The following IFT81 variants were observed in gnomAD, a reference collection of about 807,000 sequenced individuals.
The protein encoded by IFT81 is intraflagellar transport protein 81 homolog.
In IFT81, 72 loss-of-function variants were observed where a neutral mutation model predicts 102.6. The ratio of observed to expected loss-of-function variants is 0.70; its 90% CI spans 0.58 to 0.85. The LOEUF (loss-of-function observed/expected upper bound fraction) is 0.85, where lower values mean the gene tolerates loss of function less well. Among genes scored for constraint, IFT81 ranks in the 40% least tolerant of loss-of-function variants. IFT81 has a pLI of 0.00. For missense variants in IFT81, 723 were observed against 787.3 expected (o/e 0.92, Z 0.98); for synonymous variants, 237 against 242.7 (o/e 0.98, Z 0.22).
chr12:110,194,006 G>A (rs931712036), intron 14 of IFT81, among the ~76,000 whole-genome samples: 2 of 152,172 alleles, frequency 1.3e-5, no homozygotes, highest in Admixed American at 1.3e-4. Flanking sequence ...AGAAGGCAAA[G>A]AGAGAGCAGG....
chr12:110,174,633 A>G lies in IFT81; in HGVS notation c.1189-5789A>G, dbSNP rs866951821. Among the ~76,000 whole-genome samples, 108 of 152,278 alleles carry G rather than the reference A, an allele frequency of 7.1e-4. 2 individuals are homozygous for G. The highest frequency in any genetic ancestry group is 9.2e-4 in the Admixed American group (14 of 15,290). Reference sequence around the variant, plus strand: ...ATTCTTGTTTCACATAAATATCTAGAATGATGCCTGGAATCCAATAATTCT... The same window carrying G: ...ATTCTTGTTTCACATAAATATCTAGGATGATGCCTGGAATCCAATAATTCT... On this transcript the variant is annotated intron_variant, in intron 11 of 18. Coordinates refer to ENST00000242591, the MANE Select transcript of IFT81 (RefSeq NM_014055.4).
intron 11 of IFT81, among the ~76,000 whole-genome samples, chr12:110,171,316 C>A (rs1163586637): frequency 6.6e-6 from 1 of 151,382 alleles, no homozygotes; most frequent in African/African-American, 2.4e-5. Flanking sequence ...TGGAAGCACC[C>A]GTTAGAGATA....
intron 15 of IFT81, 54 bp downstream of exon 15, chr12:110,204,004 C>A: frequency 9.0e-7 from 1 of 1,105,840 alleles, no homozygotes. Flanking sequence ...TGTGTGTACA[C>A]CTGTAGTCCC....
At chr12:110,170,552 GCAAACA>G (rs1896682657) in intron 11 of IFT81, among the ~76,000 whole-genome samples, 1 of 152,158 alleles carries the variant, frequency 6.6e-6, no homozygotes, top group East Asian at 1.9e-4. Context: ...ATTTGAAAGA[GCAAACA>G]AAAAATCAGT....
intron 9 of IFT81, among the ~76,000 whole-genome samples, chr12:110,146,024 C>T (rs987518618): frequency 1.3e-5 from 2 of 151,722 alleles, no homozygotes; most frequent in Non-Finnish European, 2.9e-5. Context: ...GTTGGCCAGG[C>T]TGGTCTCGAC....
At chr12:110,152,138 A>G (rs893194258) in intron 10 of IFT81, among the ~76,000 whole-genome samples, 15 of 152,220 alleles carry the variant, frequency 9.9e-5, no homozygotes, top group African/African-American at 3.1e-4. Flanking sequence ...TCTCTTAAAT[A>G]TACTGATTTT....
chr12:110,174,129 T>A (rs2137489218), intron 11 of IFT81, among the ~76,000 whole-genome samples: 1 of 151,354 alleles, frequency 6.6e-6, no homozygotes, highest in South Asian at 2.1e-4. Context: ...TACAAAAAAA[T>A]TAGCCAGGCA....
intron 18 of IFT81, among the ~76,000 whole-genome samples, chr12:110,215,303 C>T (rs1224577406): frequency 6.6e-6 from 1 of 151,826 alleles, no homozygotes; most frequent in Non-Finnish European, 1.5e-5. Context: ...TTCTCACACT[C>T]GGTGTCGGTA....
At chr12:110,213,554 G>A (rs1869732987) in intron 18 of IFT81, among the ~76,000 whole-genome samples, 2 of 152,162 alleles carry the variant, frequency 1.3e-5, no homozygotes, top group African/African-American at 2.4e-5. Flanking sequence ...TTCATTAGAA[G>A]TTGCACAGTG....
At chr12:110,215,639 AT>A (rs1222478006) in intron 18 of IFT81, among the ~76,000 whole-genome samples, 3 of 145,734 alleles carry the variant, frequency 2.1e-5, no homozygotes, top group Admixed American at 6.9e-5. Flanking sequence ...TTAAAAAAAA[AT>A]TTTTTTTTTG....
rs183657590 is a variant in IFT81 at position 110,217,877 on chromosome 12, G to A, written c.1849-167G>A. Among the ~76,000 whole-genome samples, 339 of 152,128 alleles carry A rather than the reference G, an allele frequency of 2.2e-3. 3 individuals are homozygous for A. Among genetic ancestry groups the A allele is most frequent in the African/African-American group, 7.8e-3 (325 of 41,462 alleles). On this transcript the variant is annotated intron_variant, in intron 18 of 18. Transcript: ENST00000242591. The stretch of plus-strand genomic sequence containing the variant: ...TTACAGACATGAGCCACCTCGTCTG[G>A]CCTTAGTTAACTTTTATAATCTTAG...
At chr12:110,193,552 T>A (rs1390211850) in intron 14 of IFT81, among the ~76,000 whole-genome samples, 2 of 152,226 alleles carry the variant, frequency 1.3e-5, no homozygotes, top group Non-Finnish European at 2.9e-5. Context: ...CCTCTACAAA[T>A]CCAGATCAGA....
chr12:110,194,319 T>C (rs1174672656), intron 14 of IFT81, among the ~76,000 whole-genome samples: 1 of 152,222 alleles, frequency 6.6e-6, no homozygotes, highest in Non-Finnish European at 1.5e-5. Context: ...TAGAATAGCA[T>C]TTTGAAAAGT....
chr12:110,203,286 G>T (rs1007954830), intron 14 of IFT81: 2 of 153,180 alleles, frequency 1.3e-5, no homozygotes, highest in Non-Finnish European at 2.9e-5. Flanking sequence ...ACAAACAAAA[G>T]AAATAAATAA....
At chr12:110,131,109 C>A (rs1320433726) in intron 4 of IFT81, among the ~76,000 whole-genome samples, 1 of 151,780 alleles carries the variant, frequency 6.6e-6, no homozygotes, top group Non-Finnish European at 1.5e-5. Flanking sequence ...ATGGTGAAAC[C>A]CATCTCTACA....
intron 14 of IFT81, among the ~76,000 whole-genome samples, chr12:110,193,322 C>G (rs999626457): frequency 4.6e-5 from 7 of 152,130 alleles, no homozygotes; most frequent in Admixed American, 2.0e-4. Flanking sequence ...TCATATGGAC[C>G]TTAAAGCTAT....
At chr12:110,125,340 G>A (rs1024628904) in intron 1 of IFT81, among the ~76,000 whole-genome samples, 6 of 152,016 alleles carry the variant, frequency 3.9e-5, no homozygotes, top group African/African-American at 1.4e-4. Context: ...TTATTTCTTA[G>A]CAATAATAAT....
chr12:110,199,165 A>G (rs1898149924), intron 14 of IFT81, among the ~76,000 whole-genome samples: 1 of 152,064 alleles, frequency 6.6e-6, no homozygotes, highest in African/African-American at 2.4e-5. Flanking sequence ...ATTATTTTAA[A>G]TATACTTATT....
At chr12:110,186,238 CTTGT>C (rs139841661) in intron 12 of IFT81, among the ~76,000 whole-genome samples, 48,694 of 150,754 alleles carry the variant, frequency 0.32, 7,957 homozygotes, top group African/African-American at 0.38. Flanking sequence ...AACTGTACAT[CTTGT>C]TTGTTTGTTT....
Sources: gnomAD v4.1 joint callset for allele counts (sites outside exome capture counted in the v4.1 genomes callset) on GRCh38, gnomAD v4.1.1 for gene constraint, MANE v1.5 for transcripts, NCBI Gene and HGNC (gene_info 2026-07-23, HGNC 2026-07-21) for gene names.